The following FILIP1L variants were observed in gnomAD, a reference collection of about 807,000 sequenced individuals.
FILIP1L encodes filamin A-interacting protein 1-like.
A neutral mutation model predicts 96.6 loss-of-function variants in FILIP1L; 55 were observed. That is an observed-to-expected ratio of 0.57 (90% CI 0.46 to 0.71). The LOEUF is 0.71. FILIP1L is among the 30% of genes least tolerant of loss of function. FILIP1L has a pLI of 0.00. For missense variants in FILIP1L, 1,304 were observed against 1,321.2 expected (o/e 0.99, Z 0.20); for synonymous variants, 467 against 473.9 (o/e 0.99, Z 0.19).
At chr3:100,076,312 C>T (rs911180651) in intron 1 of FILIP1L, among the ~76,000 whole-genome samples, 1 of 152,146 alleles carries the variant, frequency 6.6e-6, no homozygotes, top group Non-Finnish European at 1.5e-5. Flanking sequence ...AGATGCTTTT[C>T]ATCTTTCTGA....
chr3:99,942,712 C>A (rs1707886998), intron 1 of FILIP1L, among the ~76,000 whole-genome samples: 1 of 151,930 alleles, frequency 6.6e-6, no homozygotes, highest in African/African-American at 2.4e-5. Flanking sequence ...GCCTGTAATC[C>A]CAGCTACTCT....
In FILIP1L at chr3:99,936,701, A is replaced by G. The variant is rs1248164583; in HGVS notation, c.-10-5671T>C. On this transcript the variant is annotated intron_variant, in intron 1 of 5. Coordinates refer to ENST00000477258, the MANE Select transcript of FILIP1L (RefSeq NM_001387850.1). ...TTGAAGCCTTTTTAAATCACTTGCC[A>G]AAGGTCACACTGCTAAAAAGTGGCA... Among the ~76,000 whole-genome samples, 3 of 150,234 alleles carry G rather than the reference A, an allele frequency of 2.0e-5. No individual in the cohort carries two copies. The East Asian group carries it at 6.1e-4, about 30-fold the overall frequency.
At chr3:100,072,231 C>G (rs1190763378) in intron 1 of FILIP1L, among the ~76,000 whole-genome samples, 1 of 152,204 alleles carries the variant, frequency 6.6e-6, no homozygotes, top group African/African-American at 2.4e-5. Context: ...CTCTATCTCC[C>G]CAAGCCCAAA....
intron 1 of FILIP1L, among the ~76,000 whole-genome samples, chr3:100,085,477 C>T (rs2065992902): frequency 6.6e-6 from 1 of 152,188 alleles, no homozygotes; most frequent in Non-Finnish European, 1.5e-5. Context: ...CAAAACCATA[C>T]ATCAATCCAA....
chr3:100,063,975 A>T (rs2065617364), intron 1 of FILIP1L, among the ~76,000 whole-genome samples: 1 of 152,212 alleles, frequency 6.6e-6, no homozygotes, highest in African/African-American at 2.4e-5. Context: ...TGGTGCCAGT[A>T]CTGAATGTTC....
intron 1 of FILIP1L, among the ~76,000 whole-genome samples, chr3:100,102,293 AC>A (rs2066323192): frequency 6.6e-6 from 1 of 151,976 alleles, no homozygotes; most frequent in African/African-American, 2.4e-5. Context: ...TTGTTTCCTG[AC>A]TTTTTAATGA....
rs1273784603 is a variant in FILIP1L at position 99,850,688 on chromosome 3, G to A, written c.988C>T (p.Leu330Phe). The A allele has an allele frequency of 1.9e-6, 3 of 1,614,114 alleles. No individual in the cohort carries two copies. Among genetic ancestry groups the A allele is most frequent in the Non-Finnish European group, 2.5e-6 (3 of 1,180,026 alleles). ...TCTAACTCATCAATCTGCCGGCTGA[G>A]TGCTGCCAGCTTTTGTTGAAGCTGG... ...NRQLQQKLAA[L>F]SRQIDELEET... The change falls in exon 5 of 6, where the codon CTC becomes TTC. Residue 330 changes from leucine (L) to phenylalanine (F), a missense_variant. By Grantham distance (22) the Leu-to-Phe change is conservative (BLOSUM62 0). Coordinates refer to ENST00000477258, the MANE Select transcript of FILIP1L (RefSeq NM_001387850.1).
intron 1 of FILIP1L, among the ~76,000 whole-genome samples, chr3:100,033,084 A>G (rs2065046319): frequency 6.6e-6 from 1 of 152,114 alleles, no homozygotes; most frequent in Non-Finnish European, 1.5e-5. Flanking sequence ...AGAATTCAGG[A>G]AAACTATCTT....
intron 1 of FILIP1L, among the ~76,000 whole-genome samples, chr3:100,031,981 A>G (rs1011066005): frequency 2.0e-5 from 3 of 152,052 alleles, no homozygotes; most frequent in Admixed American, 6.5e-5. Context: ...TTTTTCATGC[A>G]TCATGAAAAA....
At chr3:99,971,134 G>A (rs1576610021) in intron 1 of FILIP1L, among the ~76,000 whole-genome samples, 1 of 152,238 alleles carries the variant, frequency 6.6e-6, no homozygotes, top group East Asian at 1.9e-4. Flanking sequence ...TCAGGAGATC[G>A]AGACCATCCT....
At chr3:99,929,704 A>G in intron 3 of FILIP1L, 152 bp downstream of exon 3, 4 of 550,488 alleles carry the variant, frequency 7.3e-6, no homozygotes, top group Non-Finnish European at 8.9e-6. Flanking sequence ...TAACTTTCCT[A>G]TTGAACTTGT....
At chr3:99,966,733 A>G (rs1214696219) in intron 1 of FILIP1L, among the ~76,000 whole-genome samples, 2 of 152,220 alleles carry the variant, frequency 1.3e-5, no homozygotes, top group Admixed American at 6.5e-5. Flanking sequence ...AGTGTGTCAG[A>G]TTTGAAAAAT....
Position 99,850,317 on chromosome 3 carries a change from C to A in FILIP1L, c.1359G>T (p.Met453Ile). 6.2e-7 allele frequency: 1 copy of A among 1,613,254 alleles called. No homozygotes were observed. Among genetic ancestry groups the A allele is most frequent in the South Asian group, 1.1e-5 (1 of 90,828 alleles). ...SLKCNLEKERMTTKQLSQELE... is the reference protein window; with the variant it reads ...SLKCNLEKERITTKQLSQELE... ...GTTCTTGAGACAACTGCTTTGTGGT[C>A]ATCCTTTCTTTTTCTAAATTGCATT... Residue 453 changes from methionine (M) to isoleucine (I), a missense_variant, in exon 5 of 6, where the codon ATG (methionine) becomes ATT (isoleucine). Coordinates refer to ENST00000477258, the MANE Select transcript of FILIP1L (RefSeq NM_001387850.1).
intron 1 of FILIP1L, among the ~76,000 whole-genome samples, chr3:99,963,863 G>A (rs1175509842): frequency 6.6e-6 from 1 of 152,042 alleles, no homozygotes; most frequent in East Asian, 1.9e-4. Context: ...TGATCTGCCT[G>A]CCTCAGCCTC....
At chr3:99,959,714 A>C (rs1708438033) in intron 1 of FILIP1L, among the ~76,000 whole-genome samples, 1 of 152,238 alleles carries the variant, frequency 6.6e-6, no homozygotes, top group South Asian at 2.1e-4. Context: ...CAATAAATAG[A>C]GCAATAATGA....
At position 100,114,122 on chromosome 3, in the gene FILIP1L, A is replaced by G. The variant is rs2066534329; in HGVS notation, c.-80T>C. 6.6e-6 allele frequency: 1 copy of G among 152,172 alleles called. No individual in the cohort carries two copies. 9.4% of individuals were successfully genotyped at this position (152,172 alleles called of 1,614,324 possible). A position where few individuals can be genotyped will look rare whatever the true frequency, so the allele number is the denominator to read the frequency against. ...CTTCTCATCCCCACCAAAATCCAAC[A>G]GTGGAATCCAGGACCAACAACAACG... On this transcript the variant is annotated 5_prime_UTR_variant, in exon 1 of 6. Coordinates refer to ENST00000477258, the MANE Select transcript of FILIP1L (RefSeq NM_001387850.1).
At chr3:100,101,944 A>G (rs1576062617) in intron 1 of FILIP1L, among the ~76,000 whole-genome samples, 2 of 152,194 alleles carry the variant, frequency 1.3e-5, no homozygotes, top group East Asian at 1.9e-4. Flanking sequence ...TACAAAGGAC[A>G]TGAACTCATC....
chr3:99,875,347 T>C (rs1324472123), intron 4 of FILIP1L, among the ~76,000 whole-genome samples: 1 of 152,318 alleles, frequency 6.6e-6, no homozygotes, highest in East Asian at 1.9e-4. Context: ...AAGTTTTACC[T>C]TTTAAATTGG....
chr3:99,848,513 T>C lies in FILIP1L; in HGVS notation c.3163A>G (p.Ile1055Val), dbSNP rs778153475. The change falls in exon 5 of 6, where the codon ATA becomes GTA. Residue 1055 changes from isoleucine (I) to valine (V), a missense_variant. Ile to Val is a conservative substitution (Grantham distance 29, BLOSUM62 3). Coordinates refer to ENST00000477258, the MANE Select transcript of FILIP1L (RefSeq NM_001387850.1). ...QRSNSNSSSV[I>V]TTEDNKIHIH... ...TGGATTTTATTATCCTCAGTAGTTA[T>C]CACACTTGAGCTATTGCTGTTTGAA... 3.7e-6 allele frequency: 6 copies of C among 1,614,108 alleles called. No homozygotes were observed. Among genetic ancestry groups the C allele is most frequent in the Non-Finnish European group, 5.1e-6 (6 of 1,180,040 alleles).
Sources: allele counts gnomAD v4.1 joint callset (sites outside exome capture counted in the v4.1 genomes callset), GRCh38; gene constraint gnomAD v4.1.1; transcripts MANE v1.5; gene names NCBI Gene and HGNC (gene_info 2026-07-23, HGNC 2026-07-21).